CDKL5: variants seen among roughly 807,000 people sequenced by gnomAD.
The protein encoded by CDKL5 is cyclin-dependent kinase-like 5.
In CDKL5, 8 loss-of-function variants were observed where a neutral mutation model predicts 61.7. That is an observed-to-expected ratio of 0.13 (90% CI 0.08 to 0.23). The LOEUF is 0.23. Ranked by LOEUF, CDKL5 falls within the 10% of genes least tolerant of loss-of-function variation. CDKL5 has a pLI of 1.00. For missense variants in CDKL5, 440 were observed against 734.5 expected, an observed-to-expected ratio of 0.60 and a Z score of 4.63; for synonymous variants, 275 against 272.3, an observed-to-expected ratio of 1.01 and a Z score of -0.10.
chrX:18,614,322 G>A (rs888484833), intron 15 of CDKL5, among the ~76,000 whole-genome samples: 7 of 112,733 alleles, frequency 6.2e-5, no homozygotes, highest in Non-Finnish European at 9.4e-5. Flanking sequence ...CACTTTTGCT[G>A]TATAAGCACA....
At chrX:18,648,660 T>G (rs907158362) in intron 20 of CDKL5, among the ~76,000 whole-genome samples, 3 of 112,239 alleles carry the variant, frequency 2.7e-5, no homozygotes, top group Admixed American at 1.9e-4. Context: ...ACATAACTTC[T>G]GACCAGTGAG....
At chrX:18,557,182 G>A (rs1378946856) in intron 3 of CDKL5, among the ~76,000 whole-genome samples, 1 of 111,335 alleles carries the variant, frequency 9.0e-6, no homozygotes, top group African/African-American at 3.3e-5. Flanking sequence ...GTTCCACATC[G>A]ATGAATTCAA....
At chrX:18,429,803 T>C (rs1931444390) in intron 1 of CDKL5, among the ~76,000 whole-genome samples, 1 of 110,758 alleles carries the variant, frequency 9.0e-6, no homozygotes, top group Admixed American at 9.7e-5. Context: ...ACCAGGCCAA[T>C]TTTTCTTTAT....
chrX:18,609,862 A>AT (rs1296041161), intron 14 of CDKL5, among the ~76,000 whole-genome samples: 7 of 112,300 alleles, frequency 6.2e-5, no homozygotes, highest in Non-Finnish European at 9.4e-5. Flanking sequence ...CTGTCAAGCC[A>AT]TAACATACTT....
intron 1 of CDKL5, among the ~76,000 whole-genome samples, chrX:18,473,025 G>A (rs1174067830): frequency 4.8e-5 from 5 of 103,538 alleles, no homozygotes; most frequent in African/African-American, 1.4e-4. Flanking sequence ...GCGTGATCTC[G>A]GCTCACTGCA....
At chrX:18,646,224 G>T (rs1392761917) in intron 20 of CDKL5, 2 of 1,003,522 alleles carry the variant, frequency 2.0e-6, no homozygotes, top group Non-Finnish European at 2.7e-6. Flanking sequence ...CACAATCTCG[G>T]CTCACTGCAA....
In CDKL5 at chrX:18,451,327, G is replaced by T. The variant is rs944956064; in HGVS notation, c.-163+25632G>T. ...CTGCCTCAGGCTCCCGAGTAGCTGG[G>T]ATTACAGGCGCCCGCCACCACACAC... On this transcript the variant is annotated intron_variant, in intron 1 of 17. Coordinates refer to ENST00000623535, the MANE Select transcript of CDKL5 (RefSeq NM_001323289.2). Among the ~76,000 whole-genome samples, 54 of 110,611 alleles carry T rather than the reference G, an allele frequency of 4.9e-4. No homozygotes were observed. The Admixed American group carries it at 5.2e-3, about 11-fold the overall frequency.
intron 1 of CDKL5, among the ~76,000 whole-genome samples, chrX:18,474,794 A>G (rs956110663): frequency 8.9e-6 from 1 of 111,895 alleles, no homozygotes; most frequent in Admixed American, 9.5e-5. Context: ...GTTTAGTCCA[A>G]AGTTAGTGTT....
intron 3 of CDKL5, chrX:18,535,348 C>T (rs1031314345): frequency 8.8e-6 from 1 of 113,329 alleles, no homozygotes; most frequent in Non-Finnish European, 1.9e-5. Context: ...GTACCTGACA[C>T]ACATGTTCTA....
rs142836837 is a variant in CDKL5, at chrX:18,612,917, G to A, written c.2153-235G>A. On this transcript the variant is annotated intron_variant, in intron 14 of 17. Transcript: ENST00000623535. ...GTTAGAGAAAATGCAGTAGGATAAC[G>A]TGAAAACTGCTTTGACCAAAAGAGA... is the stretch of plus-strand genomic sequence containing the variant. 4.4e-3 allele frequency among the ~76,000 whole-genome samples: 480 copies of A among 108,846 alleles called. 4 individuals carry two copies. The highest frequency in any genetic ancestry group is 0.015 in the African/African-American group (434 of 29,908). The allele number at this position is 108,846 out of a possible 115,157, so 94.5% of individuals were successfully genotyped here.
chrX:18,574,761 C>G (rs1434007812), intron 4 of CDKL5, among the ~76,000 whole-genome samples: 1 of 111,891 alleles, frequency 8.9e-6, no homozygotes, highest in Admixed American at 9.5e-5. Context: ...AGATTAGACA[C>G]TCTCAGAATT....
chrX:18,552,530 A>G (rs946810799), intron 3 of CDKL5, among the ~76,000 whole-genome samples: 2 of 112,245 alleles, frequency 1.8e-5, no homozygotes, highest in Non-Finnish European at 3.8e-5. Context: ...AGTTGCATTT[A>G]TTTCTCAACT....
intron 3 of CDKL5, among the ~76,000 whole-genome samples, chrX:18,520,669 T>C (rs1312435181): frequency 8.9e-6 from 1 of 112,061 alleles, no homozygotes; most frequent in Non-Finnish European, 1.9e-5. Flanking sequence ...CCACAGCAGC[T>C]GCCCTCCTTT....
chrX:18,506,693 A>C (rs1427352530), intron 1 of CDKL5, among the ~76,000 whole-genome samples: 1 of 112,000 alleles, frequency 8.9e-6, no homozygotes, highest in African/African-American at 3.2e-5. Context: ...GCTGTGGTTA[A>C]TTCATTTGTC....
At chrX:18,503,851 C>T (rs1922473593) in intron 1 of CDKL5, among the ~76,000 whole-genome samples, 1 of 110,986 alleles carries the variant, frequency 9.0e-6, no homozygotes, top group South Asian at 3.8e-4. Flanking sequence ...AAGCAATCCT[C>T]CCTCCTCACC....
At chrX:18,653,358 G>T in intron 21 of CDKL5, 1 of 1,182,024 alleles carries the variant, frequency 8.5e-7, no homozygotes. Flanking sequence ...GGGGGGCCCG[G>T]GCATTAGCCA....
At chrX:18,528,532 C>T (rs966421707) in intron 3 of CDKL5, among the ~76,000 whole-genome samples, 3 of 110,643 alleles carry the variant, frequency 2.7e-5, no homozygotes, top group Admixed American at 9.6e-5. Context: ...TTAGTGTTAT[C>T]GTGGTATAAC....
At chrX:18,641,832 T>A, downstream of CDKL5, 1 of 460,469 alleles carries the variant, frequency 2.2e-6, no homozygotes, top group East Asian at 3.7e-5. Flanking sequence ...CATTTTTATT[T>A]CATTGAAATC....
intron 1 of CDKL5, among the ~76,000 whole-genome samples, chrX:18,455,040 C>G (rs889583082): frequency 4.5e-5 from 5 of 109,958 alleles, no homozygotes; most frequent in Admixed American, 9.8e-5. Flanking sequence ...CTCATTGCCA[C>G]TATTTTGACG....
Sources: gnomAD v4.1 joint callset for allele counts (sites outside exome capture counted in the v4.1 genomes callset) on GRCh38, gnomAD v4.1.1 for gene constraint, MANE v1.5 for transcripts, NCBI Gene and HGNC (gene_info 2026-07-23, HGNC 2026-07-21) for gene names.